FRK: variants seen among roughly 807,000 people sequenced by gnomAD.
FRK encodes fyn related Src family tyrosine kinase.
FRK carries 51 observed loss-of-function variants against 56.4 expected under a neutral mutation model. That is an observed-to-expected ratio of 0.90 (90% CI 0.72 to 1.14). FRK has a LOEUF of 1.14. FRK is among the 50% of genes most tolerant of loss of function. The pLI is 0.00. For missense variants in FRK, 570 were observed against 601.4 expected, an observed-to-expected ratio of 0.95 and a Z score of 0.55; for synonymous variants, 245 against 217.9, an observed-to-expected ratio of 1.12 and a Z score of -1.10.
intron 1 of FRK, among the ~76,000 whole-genome samples, chr6:116,033,015 G>A (rs891768464): frequency 6.6e-5 from 10 of 152,052 alleles, no homozygotes; most frequent in African/African-American, 1.2e-4. Flanking sequence ...TATTAATAAC[G>A]TAGCCTTTTG....
upstream of FRK, among the ~76,000 whole-genome samples, chr6:116,062,251 T>C (rs1777652404): frequency 6.6e-6 from 1 of 152,106 alleles, no homozygotes. Flanking sequence ...TTGCTGTTGT[T>C]GTTTTGTTTT....
intron 5 of FRK, among the ~76,000 whole-genome samples, chr6:115,948,521 T>C (rs1267014055): frequency 2.0e-5 from 3 of 152,224 alleles, no homozygotes; most frequent in Admixed American, 2.0e-4. Context: ...TTCTGGCTGA[T>C]TCTTCAGTTT....
chr6:116,082,431 T>C, the FRK span, among the ~76,000 whole-genome samples: 6 of 152,138 alleles, frequency 3.9e-5, no homozygotes, highest in Non-Finnish European at 7.4e-5. Context: ...TTAGGGGCTA[T>C]TGCAATATTC....
intron 1 of FRK, among the ~76,000 whole-genome samples, chr6:116,029,323 A>G (rs187397509): frequency 1.3e-5 from 2 of 152,272 alleles, no homozygotes; most frequent in East Asian, 3.9e-4. Flanking sequence ...ACTTGAGAAT[A>G]GGGATTTTTG....
chr6:116,075,004 C>G, the FRK span, among the ~76,000 whole-genome samples: 3 of 152,214 alleles, frequency 2.0e-5, no homozygotes, highest in East Asian at 1.9e-4. Flanking sequence ...TGTGAGTGCT[C>G]AGAGAGAAGG....
intron 1 of FRK, among the ~76,000 whole-genome samples, chr6:116,011,312 C>T (rs1298937877): frequency 6.6e-6 from 1 of 152,112 alleles, no homozygotes; most frequent in Non-Finnish European, 1.5e-5. Flanking sequence ...TTGCCTCTTA[C>T]ACTTTTTAAA....
At chr6:115,975,102 C>T (rs1056962607) in intron 2 of FRK, among the ~76,000 whole-genome samples, 3 of 151,958 alleles carry the variant, frequency 2.0e-5, no homozygotes, top group African/African-American at 4.8e-5. Context: ...GCAATACTTT[C>T]GGGACTTACA....
At chr6:116,039,431 G>A in intron 1 of FRK, 2 of 1,573,688 alleles carry the variant, frequency 1.3e-6, no homozygotes, top group Admixed American at 3.3e-5. Flanking sequence ...GAAGTGGATG[G>A]CTTCCTCGTG....
At position 116,060,765 on chromosome 6, in the gene FRK, C is replaced by T. The variant is rs906681936; in HGVS notation, c.-454G>A. On this transcript the variant is annotated 5_prime_UTR_variant, in exon 1 of 8. Coordinates refer to ENST00000606080, the MANE Select transcript of FRK (RefSeq NM_002031.3). ...ACGTCTTGCTTTCGCCAGGAGCTCTCCCCCTGTTTCAAGTCTGTTCCTGTC... is the reference window on the plus strand; with the variant it reads ...ACGTCTTGCTTTCGCCAGGAGCTCTTCCCCTGTTTCAAGTCTGTTCCTGTC... The T allele has an allele frequency of 1.9e-5, 3 of 160,840 alleles. No individual in the cohort carries two copies. The highest frequency in any genetic ancestry group is 7.2e-5 in the African/African-American group (3 of 41,506). The allele number at this position is 160,840 out of a possible 1,614,324, so 10.0% of individuals were successfully genotyped here. A position where few individuals can be genotyped will look rare whatever the true frequency, so the allele number is the denominator to read the frequency against.
At chr6:115,955,126 G>A (rs1224945286) in intron 5 of FRK, among the ~76,000 whole-genome samples, 1 of 151,912 alleles carries the variant, frequency 6.6e-6, no homozygotes, top group Non-Finnish European at 1.5e-5. Flanking sequence ...AATTAATAAG[G>A]GAACTAGTGA....
intron 1 of FRK, among the ~76,000 whole-genome samples, chr6:116,045,723 TAG>T (rs765518826): frequency 2.0e-5 from 3 of 152,116 alleles, no homozygotes; most frequent in African/African-American, 4.8e-5. Flanking sequence ...ATTCAGGACA[TAG>T]GCATGGGCAA....
intron 2 of FRK, among the ~76,000 whole-genome samples, chr6:115,995,579 T>C (rs1326399311): frequency 6.6e-6 from 1 of 151,870 alleles, no homozygotes; most frequent in Non-Finnish European, 1.5e-5. Flanking sequence ...CAAGTCAATA[T>C]GAGGGGTTCA....
At position 116,034,599 on chromosome 6, in the gene FRK, G is replaced by A. The variant is rs571361879; in HGVS notation, c.344+25369C>T. Among the ~76,000 whole-genome samples, 247 of 152,112 alleles carry A rather than the reference G, an allele frequency of 1.6e-3. 10 individuals are homozygous for A. The South Asian group carries it at 0.05, about 30-fold the overall frequency. Reference sequence around the variant, plus strand: ...GGAAATAAATTGCAAGGAAACTAACGCAGAGAGAAGATCCATATTAAACAA... The same window carrying A: ...GGAAATAAATTGCAAGGAAACTAACACAGAGAGAAGATCCATATTAAACAA... On this transcript the variant is annotated intron_variant, in intron 1 of 7. Coordinates refer to ENST00000606080, the MANE Select transcript of FRK (RefSeq NM_002031.3).
At chr6:115,958,183 T>C (rs1773086788) in intron 4 of FRK, among the ~76,000 whole-genome samples, 1 of 152,208 alleles carries the variant, frequency 6.6e-6, no homozygotes, top group Admixed American at 6.5e-5. Flanking sequence ...GAGCTGAGAA[T>C]AAGAGACACC....
In FRK at chr6:115,942,048, A is replaced by C. The variant is rs1003268001; in HGVS notation, c.*366T>G. The C allele has an allele frequency of 1.9e-5, 4 of 213,128 alleles. No homozygotes were observed. Among genetic ancestry groups the C allele is most frequent in the African/African-American group, 9.4e-5 (4 of 42,332 alleles). The allele number at this position is 213,128 out of a possible 1,614,324, so 13.2% of individuals were successfully genotyped here. A position where few individuals can be genotyped will look rare whatever the true frequency, so the allele number is the denominator to read the frequency against. Reference sequence around the variant, plus strand: ...GGAATAATGAATAACCACTCTAATCAGTAAACAGGAAAATGCTACAACAGT... The same window carrying C: ...GGAATAATGAATAACCACTCTAATCCGTAAACAGGAAAATGCTACAACAGT... On this transcript the variant is annotated 3_prime_UTR_variant, in exon 8 of 8. Coordinates refer to ENST00000606080, the MANE Select transcript of FRK (RefSeq NM_002031.3).
chr6:115,946,995 T>A (rs529574), intron 5 of FRK, among the ~76,000 whole-genome samples: 101,968 of 151,848 alleles, frequency 0.67, 34,755 homozygotes, highest in East Asian at 0.98. Context: ...CAGAAGGAGG[T>A]GGTGGCAAAT....
intron 1 of FRK, among the ~76,000 whole-genome samples, chr6:116,038,103 C>A (rs1045481070): frequency 6.6e-6 from 1 of 152,182 alleles, no homozygotes; most frequent in African/African-American, 2.4e-5. Flanking sequence ...ATGAGAGCCA[C>A]AGAAGCAAAA....
chr6:115,969,136 T>C (rs1467686608), intron 2 of FRK, among the ~76,000 whole-genome samples: 1 of 152,214 alleles, frequency 6.6e-6, no homozygotes, highest in Non-Finnish European at 1.5e-5. Context: ...ACAGTTTGAC[T>C]CTTCCTGGTG....
At chr6:116,073,968 C>T in the FRK span, among the ~76,000 whole-genome samples, 1 of 152,154 alleles carries the variant, frequency 6.6e-6, no homozygotes, top group Non-Finnish European at 1.5e-5. Context: ...GTCCTCTGCC[C>T]ACCACATTGA....
Sources: gnomAD v4.1 joint callset for allele counts (sites outside exome capture counted in the v4.1 genomes callset) on GRCh38, gnomAD v4.1.1 for gene constraint, MANE v1.5 for transcripts, NCBI Gene and HGNC (gene_info 2026-07-23, HGNC 2026-07-21) for gene names.